The following PEBP4 variants were observed in gnomAD, a reference collection of about 807,000 sequenced individuals.
PEBP4 encodes the protein phosphatidylethanolamine-binding protein 4.
PEBP4 carries 22 observed loss-of-function variants against 23.9 expected under a neutral mutation model. That is an observed-to-expected ratio of 0.92 (90% confidence interval 0.66 to 1.31). PEBP4 has a LOEUF of 1.31. Among genes scored for constraint, PEBP4 ranks in the 40% most tolerant of loss-of-function variants. The pLI is 0.00. For missense variants in PEBP4, 324 were observed against 281.7 expected (o/e 1.15, Z -1.07); for synonymous variants, 112 against 99.3 (o/e 1.13, Z -0.76).
At chr8:22,812,335 C>T (rs760461339) in intron 4 of PEBP4, among the ~76,000 whole-genome samples, 5 of 152,216 alleles carry the variant, frequency 3.3e-5, no homozygotes, top group Non-Finnish European at 5.9e-5. Flanking sequence ...CACCTGGAAG[C>T]GGCAGAGCCT....
At chr8:22,790,840 A>T (rs1806122747) in intron 4 of PEBP4, among the ~76,000 whole-genome samples, 1 of 152,190 alleles carries the variant, frequency 6.6e-6, no homozygotes, top group Admixed American at 6.5e-5. Context: ...AGAACTATGT[A>T]TAGATATTAT....
intron 3 of PEBP4, among the ~76,000 whole-genome samples, chr8:22,866,775 G>A (rs969655456): frequency 7.9e-5 from 12 of 151,180 alleles, no homozygotes; most frequent in African/African-American, 2.2e-4. Flanking sequence ...TTTTATAAGC[G>A]CCATATTTTT....
intron 4 of PEBP4, among the ~76,000 whole-genome samples, chr8:22,741,713 A>T (rs1206624934): frequency 6.6e-6 from 1 of 152,172 alleles, no homozygotes. Context: ...TTGTGTGCAG[A>T]GGAGGAACCC....
At chr8:22,837,784 C>A (rs988838283) in intron 3 of PEBP4, among the ~76,000 whole-genome samples, 2 of 152,198 alleles carry the variant, frequency 1.3e-5, no homozygotes, top group Non-Finnish European at 2.9e-5. Context: ...TTCTTTGAAC[C>A]CCAATAGCAT....
intron 3 of PEBP4, among the ~76,000 whole-genome samples, chr8:22,903,766 T>A (rs1373014157): frequency 6.6e-6 from 1 of 152,220 alleles, no homozygotes; most frequent in East Asian, 1.9e-4. Flanking sequence ...ATATCCATCC[T>A]CCCAGAATAG....
intron 4 of PEBP4, among the ~76,000 whole-genome samples, chr8:22,766,262 T>C (rs559754373): frequency 3.5e-4 from 54 of 152,300 alleles, no homozygotes; most frequent in Non-Finnish European, 2.5e-4. Context: ...GGACTGTGGA[T>C]GGTGAAAGCC....
intron 4 of PEBP4, among the ~76,000 whole-genome samples, chr8:22,781,282 G>A (rs1270687621): frequency 6.6e-6 from 1 of 152,130 alleles, no homozygotes; most frequent in Admixed American, 6.5e-5. Flanking sequence ...TGGAGGAGTA[G>A]GGAGTTCCGG....
rs143484312 is a variant in PEBP4 at position 22,940,792 on chromosome 8, A to G, written c.145-13072T>C. Among the ~76,000 whole-genome samples, 341 of 152,274 alleles carry G rather than the reference A, an allele frequency of 2.2e-3. 5 individuals are homozygous for G. The highest frequency in any genetic ancestry group is 7.3e-3 in the African/African-American group (303 of 41,560). ...GCGTGAGCCACCACGGCCAGCCTTT[A>G]CCACGAATTTCTAATAGCTCCCTAG... is the stretch of plus-strand genomic sequence containing the variant. On this transcript the variant is annotated intron_variant, in intron 1 of 1. Coordinates refer to the PEBP4 transcript ENST00000522278.
intron 4 of PEBP4, among the ~76,000 whole-genome samples, chr8:22,799,147 C>T (rs1412726048): frequency 6.6e-6 from 1 of 152,212 alleles, no homozygotes; most frequent in Non-Finnish European, 1.5e-5. Context: ...CAGGGAGACA[C>T]AGTGAAGGGC....
intron 3 of PEBP4, among the ~76,000 whole-genome samples, chr8:22,898,431 A>AAAC (rs1563253603): frequency 4.5e-4 from 56 of 123,756 alleles, no homozygotes; most frequent in African/African-American, 7.4e-4. Context: ...AAAAAAAAAA[A>AAAC]CCCACCCAGT....
chr8:22,824,241 T>C (rs1806921493), intron 3 of PEBP4, among the ~76,000 whole-genome samples: 1 of 152,218 alleles, frequency 6.6e-6, no homozygotes, highest in South Asian at 2.1e-4. Context: ...ATTGCTTTTA[T>C]ACTTAGACAA....
At chr8:22,796,898 A>C (rs1806271201) in intron 4 of PEBP4, among the ~76,000 whole-genome samples, 1 of 152,090 alleles carries the variant, frequency 6.6e-6, no homozygotes, top group Non-Finnish European at 1.5e-5. Context: ...ACCCTTACAC[A>C]ATAGATCCAG....
chr8:22,783,223 G>A (rs1239908034), intron 4 of PEBP4, among the ~76,000 whole-genome samples: 1 of 152,214 alleles, frequency 6.6e-6, no homozygotes, highest in African/African-American at 2.4e-5. Context: ...TCCTTTCTCA[G>A]TCCTTTCTTG....
chr8:22,763,178 T>C lies in PEBP4; in HGVS notation c.358-35958A>G, dbSNP rs537830207. Reference sequence around the variant, plus strand: ...TGCCACCACACCCAGCTAATTTTTGTATTTTTAGTAGAGACAGGGTTTTGC... The same window carrying C: ...TGCCACCACACCCAGCTAATTTTTGCATTTTTAGTAGAGACAGGGTTTTGC... On this transcript the variant is annotated intron_variant, in intron 4 of 6. Transcript: ENST00000256404. Among the ~76,000 whole-genome samples, 6 of 152,294 alleles carry C rather than the reference T, an allele frequency of 3.9e-5. No homozygotes were observed. In the South Asian group the frequency reaches 1.0e-3, roughly 26 times the overall value.
chr8:22,883,030 C>A (rs901385458), intron 3 of PEBP4, among the ~76,000 whole-genome samples: 1 of 152,180 alleles, frequency 6.6e-6, no homozygotes, highest in Admixed American at 6.5e-5. Context: ...AGACATACCC[C>A]CTGCCTCTAG....
chr8:22,761,813 CTCTT>C (rs989610883), intron 4 of PEBP4, among the ~76,000 whole-genome samples: 3 of 152,264 alleles, frequency 2.0e-5, no homozygotes, highest in African/African-American at 7.2e-5. Flanking sequence ...CTCGCTCTCT[CTCTT>C]TCTCTCTTTT....
chr8:22,817,182 A>G (rs1415535936), intron 4 of PEBP4, among the ~76,000 whole-genome samples: 1 of 152,150 alleles, frequency 6.6e-6, no homozygotes, highest in Non-Finnish European at 1.5e-5. Flanking sequence ...CCCATGCCCC[A>G]TCATGGGGAG....
chr8:22,775,267 G>A lies in PEBP4; in HGVS notation c.357+42370C>T, dbSNP rs564471503. Among the ~76,000 whole-genome samples the A allele has an allele frequency of 3.3e-5, 5 of 152,284 alleles. No homozygotes were observed. The highest frequency in any genetic ancestry group is 3.9e-4 in the East Asian group (2 of 5,172). ...TCTCAGCAGCATCTTTCAGGGACCCGGAAGCCCCAAGCATCTGGCAAGGAG... is the reference window on the plus strand; with the variant it reads ...TCTCAGCAGCATCTTTCAGGGACCCAGAAGCCCCAAGCATCTGGCAAGGAG... On this transcript the variant is annotated intron_variant, in intron 4 of 6. Coordinates refer to ENST00000256404, the MANE Select transcript of PEBP4 (RefSeq NM_144962.3). This position sits in a 1 kb window ranked among gnomAD's most constrained non-coding sequence, Gnocchi z 4.8.
chr8:22,890,266 G>A (rs1585327426), intron 3 of PEBP4, among the ~76,000 whole-genome samples: 1 of 152,214 alleles, frequency 6.6e-6, no homozygotes, highest in Non-Finnish European at 1.5e-5. Flanking sequence ...CTTTCACTAA[G>A]CTGCAGACAT....
Sources: gnomAD v4.1 joint callset for allele counts (sites outside exome capture counted in the v4.1 genomes callset) on GRCh38, gnomAD v4.1.1 for gene constraint, Gnocchi (gnomAD v3.1) non-coding constraint, MANE v1.5 for transcripts, NCBI Gene and HGNC (gene_info 2026-07-23, HGNC 2026-07-21) for gene names.